Variants in HMGA2 observed in about 807,000 individuals in gnomAD.
HMGA2 encodes the protein high mobility group protein HMGI-C.
A neutral mutation model predicts 19.1 loss-of-function variants in HMGA2; 8 were observed. The observed-to-expected ratio is 0.42, with a 90% confidence interval of 0.25 to 0.76. The LOEUF is 0.76. Among genes scored for constraint, HMGA2 ranks in the 30% least tolerant of loss-of-function variants. The pLI is 0.28. For missense variants in HMGA2, 109 were observed against 136.3 expected (o/e 0.80, Z 1.00); for synonymous variants, 60 against 48.8 (o/e 1.23, Z -0.96).
intron 4 of HMGA2, chr12:65,952,505 G>C: frequency 6.7e-7 from 1 of 1,491,822 alleles, no homozygotes; most frequent in Non-Finnish European, 8.9e-7. Flanking sequence ...TGAGCTTTAA[G>C]TGGAATAAAA....
intron 3 of HMGA2, among the ~76,000 whole-genome samples, chr12:65,874,560 G>T (rs1381949015): frequency 6.6e-6 from 1 of 152,146 alleles, no homozygotes; most frequent in Non-Finnish European, 1.5e-5. Flanking sequence ...TGTGACTCCA[G>T]GTGCCTCTCT....
At chr12:65,842,109 C>T in intron 3 of HMGA2, 1 of 1,288,814 alleles carries the variant, frequency 7.8e-7, no homozygotes, top group Non-Finnish European at 1.0e-6. Context: ...TAAATTGGGT[C>T]TCTTTTTTTC....
intron 3 of HMGA2, among the ~76,000 whole-genome samples, chr12:65,892,698 C>A (rs575771760): frequency 6.6e-6 from 1 of 152,014 alleles, no homozygotes; most frequent in African/African-American, 2.4e-5. Flanking sequence ...GTCAGGAAAA[C>A]GGTCCCTAAA....
chr12:65,906,584 T>A (rs774685452), intron 3 of HMGA2, among the ~76,000 whole-genome samples: 1 of 152,186 alleles, frequency 6.6e-6, no homozygotes, highest in Non-Finnish European at 1.5e-5. Flanking sequence ...GTCTTCCCTA[T>A]CATCAGCATT....
intron 3 of HMGA2, chr12:65,857,966 C>T (rs1871829847): frequency 6.6e-6 from 1 of 152,642 alleles, no homozygotes; most frequent in South Asian, 2.1e-4. Context: ...CCTCAAATTT[C>T]CATATATTGG....
In HMGA2 at chr12:65,828,073, A is replaced by G; in HGVS notation, c.184A>G (p.Lys62Glu). 1 of 1,612,834 alleles carries G rather than the reference A, an allele frequency of 6.2e-7. No homozygotes were observed. ...PKGSKNKSPS[K>E]AAQKKAEATG... ...AGGCAGCAAAAACAAGAGTCCCTCTAAAGCAGCTCAAAAGGTGAGATTTCT... is the reference window on the plus strand; with the variant it reads ...AGGCAGCAAAAACAAGAGTCCCTCTGAAGCAGCTCAAAAGGTGAGATTTCT... Residue 62 changes from lysine to glutamate, a missense_variant, in exon 2 of 5, where the codon AAA becomes GAA. By Grantham distance (56) the Lys-to-Glu change is moderately conservative. Coordinates refer to ENST00000403681, the MANE Select transcript of HMGA2 (RefSeq NM_003483.6).
chr12:65,898,604 C>G (rs1049380871), intron 3 of HMGA2, among the ~76,000 whole-genome samples: 1 of 152,132 alleles, frequency 6.6e-6, no homozygotes, highest in African/African-American at 2.4e-5. Flanking sequence ...ATTCAACAGC[C>G]CTTAAGGGCT....
chr12:65,838,247 T>C (rs1170266484), intron 2 of HMGA2, among the ~76,000 whole-genome samples: 1 of 152,150 alleles, frequency 6.6e-6, no homozygotes, highest in Non-Finnish European at 1.5e-5. Flanking sequence ...AGCATTTTCA[T>C]GTATTTCAGA....
chr12:65,952,589 T>TA (rs113147879), intron 4 of HMGA2: 100 of 1,097,080 alleles, frequency 9.1e-5, no homozygotes, highest in South Asian at 3.0e-4. Context: ...AGAGGGGTGC[T>TA]AAAAAAAACC....
intron 3 of HMGA2, among the ~76,000 whole-genome samples, chr12:65,907,093 G>A (rs547128322): frequency 6.6e-6 from 1 of 152,150 alleles, no homozygotes; most frequent in South Asian, 2.1e-4. Flanking sequence ...CATGTGAACT[G>A]TTAACTTCAA....
At chr12:65,863,131 T>C (rs1431400693) in intron 3 of HMGA2, among the ~76,000 whole-genome samples, 2 of 152,214 alleles carry the variant, frequency 1.3e-5, no homozygotes, top group African/African-American at 4.8e-5. Context: ...TAAGTAGAGC[T>C]GGGGAATGAA....
At position 65,824,902 on chromosome 12, in the gene HMGA2, C is replaced by T; in HGVS notation, c.-369C>T. Reference sequence around the variant, plus strand: ...GGTGCCCGCAACTCCTGATCCCAACCCGCGAGAGGAGCCTCTGCGACCTCA... The same window carrying T: ...GGTGCCCGCAACTCCTGATCCCAACTCGCGAGAGGAGCCTCTGCGACCTCA... On this transcript the variant is annotated 5_prime_UTR_variant, in exon 1 of 5. Coordinates refer to ENST00000403681, the MANE Select transcript of HMGA2 (RefSeq NM_003483.6). 3.5e-6 allele frequency: 1 copy of T among 287,818 alleles called. No homozygotes were observed. The allele number at this position is 287,818 out of a possible 1,614,324, so 17.8% of individuals were successfully genotyped here.
chr12:65,871,391 G>T (rs923892332), intron 3 of HMGA2, among the ~76,000 whole-genome samples: 8 of 152,108 alleles, frequency 5.3e-5, no homozygotes, highest in African/African-American at 1.9e-4. Context: ...AGAGAAGAAG[G>T]TTGCTGACTC....
At chr12:65,944,935 G>C (rs886825782) in intron 3 of HMGA2, among the ~76,000 whole-genome samples, 1 of 151,518 alleles carries the variant, frequency 6.6e-6, no homozygotes, top group Non-Finnish European at 1.5e-5. Context: ...TCACAGGTGC[G>C]ATCATAGCAC....
intron 4 of HMGA2, chr12:65,953,511 AG>A (rs1258892999): frequency 6.6e-6 from 1 of 152,212 alleles, no homozygotes; most frequent in Non-Finnish European, 1.5e-5. Context: ...TCATAGGTGG[AG>A]ATTATTAATA....
At chr12:65,879,139 T>A (rs1442063082) in intron 3 of HMGA2, among the ~76,000 whole-genome samples, 2 of 152,228 alleles carry the variant, frequency 1.3e-5, no homozygotes, top group African/African-American at 2.4e-5. Context: ...GACTTTTTTT[T>A]ATTTTTGAGA....
chr12:65,838,954 C>A (rs535395462), intron 3 of HMGA2, among the ~76,000 whole-genome samples: 4 of 127,040 alleles, frequency 3.1e-5, no homozygotes, highest in Admixed American at 2.2e-4. Context: ...TATGTGATAA[C>A]TTTTTAACGT....
rs1876843164 is a variant in HMGA2, at chr12:65,964,315, C to CT, written c.*1024dup. 4.8e-6 allele frequency: 1 copy of CT among 210,150 alleles called. No homozygotes were observed. Among genetic ancestry groups the CT allele is most frequent in the Non-Finnish European group, 9.3e-6 (1 of 107,262 alleles). The allele number at this position is 210,150 out of a possible 1,614,324, so 13.0% of individuals were successfully genotyped here. A position where few individuals can be genotyped will look rare whatever the true frequency, so the allele number is the denominator to read the frequency against. On this transcript the variant is annotated 3_prime_UTR_variant, in exon 5 of 5. Transcript: ENST00000403681. ...AAAAAAAAAAAGGGGGGGGCAATCT[C>CT]TCTCTGTGTCTTTCTCTCTCTCTCT...
intron 2 of HMGA2, chr12:65,830,896 C>T (rs1051248739): frequency 6.6e-6 from 1 of 151,882 alleles, no homozygotes; most frequent in Admixed American, 6.6e-5. Context: ...AATTATTCTT[C>T]AATCTACTTA....
Sources: allele counts gnomAD v4.1 joint callset (sites outside exome capture counted in the v4.1 genomes callset), GRCh38; gene constraint gnomAD v4.1.1; transcripts MANE v1.5; gene names NCBI Gene and HGNC (gene_info 2026-07-23, HGNC 2026-07-21).